The following MTBP variants were observed in gnomAD, a reference collection of about 807,000 sequenced individuals.
The protein encoded by MTBP is MDM2 binding protein.
MTBP carries 101 observed loss-of-function variants against 117.0 expected under a neutral mutation model. That is an observed-to-expected ratio of 0.86 (90% CI 0.73 to 1.02). The LOEUF (loss-of-function observed/expected upper bound fraction) is 1.02, where lower values mean the gene tolerates loss of function less well. Among genes scored for constraint, MTBP ranks in the 50% least tolerant of loss-of-function variants. The probability of loss-of-function intolerance (pLI) is 0.00; values close to 1 mark genes in which losing one functional copy is unlikely to be tolerated. For missense variants in MTBP, 970 were observed against 1,030.9 expected, an observed-to-expected ratio of 0.94 and a Z score of 0.81; for synonymous variants, 350 against 351.5, an observed-to-expected ratio of 1.00 and a Z score of 0.05.
rs778981899 is a variant in MTBP, at chr8:120,446,424, C to T, written c.119-9C>T. Reference sequence around the variant, plus strand: ...AGCCCTTTGAGTTAGTCTATCTTTTCTTTTTCAGACTTCACAGCAGCAAAT... The same window carrying T: ...AGCCCTTTGAGTTAGTCTATCTTTTTTTTTTCAGACTTCACAGCAGCAAAT... On this transcript the variant is annotated splice_polypyrimidine_tract_variant and intron_variant, in intron 1 of 21. Transcript: ENST00000305949. 3.2e-6 allele frequency: 5 copies of T among 1,583,584 alleles called. No individual in the cohort carries two copies. Among genetic ancestry groups the T allele is most frequent in the Non-Finnish European group, 4.3e-6 (5 of 1,152,946 alleles).
At chr8:120,508,764 C>T (rs1814742034) in intron 16 of MTBP, among the ~76,000 whole-genome samples, 1 of 152,126 alleles carries the variant, frequency 6.6e-6, no homozygotes, top group Non-Finnish European at 1.5e-5. Context: ...CCTGGTATTT[C>T]ATTTTACCTA....
At chr8:120,488,465 A>G (rs1814266520) in intron 12 of MTBP, 133 bp downstream of exon 12, 1 of 645,088 alleles carries the variant, frequency 1.6e-6, no homozygotes. Flanking sequence ...TCTTTCATTA[A>G]TTTACCTTTT....
chr8:120,505,190 G>T (rs1340924831), intron 15 of MTBP, among the ~76,000 whole-genome samples: 3 of 151,884 alleles, frequency 2.0e-5, no homozygotes, highest in Admixed American at 6.6e-5. Context: ...TCTTTCCATA[G>T]GTTTAGTCCT....
At chr8:120,487,364 G>A (rs1814242538) in intron 11 of MTBP, among the ~76,000 whole-genome samples, 5 of 152,188 alleles carry the variant, frequency 3.3e-5, no homozygotes, top group Admixed American at 3.3e-4. Flanking sequence ...TGGAGAGATT[G>A]AAGTTTGTTA....
chr8:120,487,676 C>T (rs1437714957), intron 11 of MTBP, among the ~76,000 whole-genome samples: 1 of 152,142 alleles, frequency 6.6e-6, no homozygotes, highest in African/African-American at 2.4e-5. Context: ...ACTGGCATGC[C>T]AGATTAATGA....
chr8:120,472,461 G>GT (rs66799223), intron 11 of MTBP: 81,495 of 151,928 alleles, frequency 0.54, 24,823 homozygotes, highest in Non-Finnish European at 0.67. Flanking sequence ...TTTGCTTATA[G>GT]TTTGCAGTCT....
chr8:120,518,161 C>T lies in MTBP; in HGVS notation c.2496+61C>T, dbSNP rs906834643. On this transcript the variant is annotated intron_variant, in intron 19 of 21. Transcript: ENST00000305949. ...TAGGAAGACTTTTTAAATTTGATTACTTTAAAATATATGTCTAAAAAATTT... is the reference window on the plus strand; with the variant it reads ...TAGGAAGACTTTTTAAATTTGATTATTTTAAAATATATGTCTAAAAAATTT... The T allele has an allele frequency of 1.8e-5, 27 of 1,515,478 alleles. No homozygotes were observed. The African/African-American group carries it at 3.2e-4, about 18-fold the overall frequency. The allele number at this position is 1,515,478 out of a possible 1,614,324, so 93.9% of individuals were successfully genotyped here. A position where few individuals can be genotyped will look rare whatever the true frequency, so the allele number is the denominator to read the frequency against.
At chr8:120,458,974 T>C (rs1007289351) in intron 7 of MTBP, among the ~76,000 whole-genome samples, 1 of 152,152 alleles carries the variant, frequency 6.6e-6, no homozygotes, top group Non-Finnish European at 1.5e-5. Context: ...TAGAATGAGC[T>C]TAACATACTC....
intron 13 of MTBP, among the ~76,000 whole-genome samples, chr8:120,492,868 T>G (rs1814375907): frequency 6.6e-6 from 1 of 152,194 alleles, no homozygotes; most frequent in Admixed American, 6.5e-5. Context: ...TGACTTATAT[T>G]TTACCAAATT....
intron 13 of MTBP, among the ~76,000 whole-genome samples, chr8:120,494,330 T>G (rs1814409492): frequency 6.6e-6 from 1 of 152,206 alleles, no homozygotes; most frequent in African/African-American, 2.4e-5. Context: ...AGGTTAGTAT[T>G]TTATTGTGGA....
In MTBP at chr8:120,488,311, A is replaced by C. The variant is rs200392680; in HGVS notation, c.1318A>C (p.Lys440Gln). ...LNLIHGKMKTKTEEAKLSFPF... is the reference protein window; with the variant it reads ...LNLIHGKMKTQTEEAKLSFPF... ...TTTAATTCATGGAAAGATGAAAACAAAGACAGAAGAAGCCAAATTGAGTAA... is the reference window on the plus strand; with the variant it reads ...TTTAATTCATGGAAAGATGAAAACACAGACAGAAGAAGCCAAATTGAGTAA... The change falls in exon 12 of 22, where the codon AAG becomes CAG. Residue 440 changes from lysine to glutamine, a missense_variant. By Grantham distance (53) the Lys-to-Gln change is moderately conservative. Transcript: ENST00000305949. The C allele has an allele frequency of 1.3e-6, 2 of 1,552,980 alleles. No individual in the cohort carries two copies. The highest frequency in any genetic ancestry group is 1.7e-6 in the Non-Finnish European group (2 of 1,157,344).
chr8:120,489,579 C>T (rs910775687), intron 12 of MTBP, among the ~76,000 whole-genome samples: 2 of 152,198 alleles, frequency 1.3e-5, no homozygotes, highest in African/African-American at 4.8e-5. Context: ...TATGTTGCCC[C>T]ATGGGCTACT....
chr8:120,459,991 G>T (rs2130526976), intron 8 of MTBP, among the ~76,000 whole-genome samples: 1 of 152,138 alleles, frequency 6.6e-6, no homozygotes, highest in Non-Finnish European at 1.5e-5. Context: ...CCTAAGAAGA[G>T]ATATTTATAT....
intron 11 of MTBP, among the ~76,000 whole-genome samples, chr8:120,482,716 T>C (rs913865736): frequency 3.3e-5 from 5 of 152,050 alleles, no homozygotes; most frequent in Non-Finnish European, 7.4e-5. Context: ...CTTTCTTTTT[T>C]TGAGACGGAG....
intron 13 of MTBP, among the ~76,000 whole-genome samples, chr8:120,492,298 A>G (rs976530552): frequency 6.6e-5 from 10 of 152,250 alleles, no homozygotes; most frequent in Admixed American, 1.3e-4. Flanking sequence ...TCTGTTTAGA[A>G]TGCCTGTGTC....
intron 11 of MTBP, chr8:120,473,217 T>C (rs1332742960): frequency 3.3e-5 from 5 of 152,204 alleles, no homozygotes; most frequent in Non-Finnish European, 7.3e-5. Context: ...AATTTGTTAT[T>C]TTTAAATTTT....
rs1478761058 is a variant in MTBP, at chr8:120,456,513, T to G, written c.630-40T>G. ...CTATAATGATTAAATCAGTGAAATA[T>G]AAAACCCTGTGTTTAATTGTTGTAA... On this transcript the variant is annotated intron_variant, in intron 6 of 21. Transcript: ENST00000305949. 4 of 1,243,346 alleles carry G rather than the reference T, an allele frequency of 3.2e-6. No homozygotes were observed. In the South Asian group the frequency reaches 3.9e-5, roughly 12 times the overall value. The allele number at this position is 1,243,346 out of a possible 1,614,324, so 77.0% of individuals were successfully genotyped here. A position where few individuals can be genotyped will look rare whatever the true frequency, so the allele number is the denominator to read the frequency against.
At chr8:120,491,611 T>A (rs1265202105) in intron 13 of MTBP, among the ~76,000 whole-genome samples, 1 of 152,220 alleles carries the variant, frequency 6.6e-6, no homozygotes, top group African/African-American at 2.4e-5. Flanking sequence ...CCAGTATTGT[T>A]ATGGTTATAA....
At position 120,502,610 on chromosome 8, in the gene MTBP, G is replaced by A; in HGVS notation, c.1727+1G>A. Reference sequence around the variant, plus strand: ...TTGAAAAAACTAAACAAAAAATGAGGTAATATTTGAATCTGTAGTAAAGCA... The same window carrying A: ...TTGAAAAAACTAAACAAAAAATGAGATAATATTTGAATCTGTAGTAAAGCA... On this transcript the variant is annotated splice_donor_variant, in intron 15 of 21. Transcript: ENST00000305949. LOFTEE classifies it high-confidence loss of function. 1 of 1,557,578 alleles carries A rather than the reference G, an allele frequency of 6.4e-7. No individual in the cohort carries two copies. The highest frequency in any genetic ancestry group is 1.2e-5 in the South Asian group (1 of 84,956).
Sources: allele counts gnomAD v4.1 joint callset (sites outside exome capture counted in the v4.1 genomes callset), GRCh38; gene constraint gnomAD v4.1.1; transcripts MANE v1.5; gene names NCBI Gene and HGNC (gene_info 2026-07-23, HGNC 2026-07-21).